CBFA2T2: variants seen among roughly 807,000 people sequenced by gnomAD.
CBFA2T2 encodes CBFA2/RUNX1 partner transcriptional co-repressor 2.
CBFA2T2 carries 11 observed loss-of-function variants against 62.2 expected under a neutral mutation model. The observed-to-expected ratio is 0.18, with a 90% CI of 0.11 to 0.29. The LOEUF is 0.29. Ranked by LOEUF, CBFA2T2 falls within the 10% of genes least tolerant of loss-of-function variation. The pLI is 1.00. For synonymous variants in CBFA2T2, 295 were observed against 287.5 expected (o/e 1.03, Z -0.27); for missense variants, 592 against 774.1 (o/e 0.76, Z 2.79).
chr20:33,637,698 G>A (rs375145964), intron 9 of CBFA2T2, among the ~76,000 whole-genome samples: 81 of 147,936 alleles, frequency 5.5e-4, no homozygotes, highest in East Asian at 1.8e-3. Context: ...ATGGAGTTTC[G>A]CGCTTGTTGC....
intron 4 of CBFA2T2, 112 bp from the exon 5 acceptor site, chr20:33,623,003 C>A: frequency 1.1e-6 from 1 of 949,942 alleles, no homozygotes; most frequent in Non-Finnish European, 1.6e-6. Flanking sequence ...AATCAGACTG[C>A]CAAGGAGAGA....
In CBFA2T2 at chr20:33,648,991, G is replaced by A. The variant is rs990218875; in HGVS notation, c.*4345G>A. 10 of 152,166 alleles carry A rather than the reference G, an allele frequency of 6.6e-5. No homozygotes were observed. Among genetic ancestry groups the A allele is most frequent in the African/African-American group, 2.4e-4 (10 of 41,422 alleles). The allele number at this position is 152,166 out of a possible 1,614,324, so 9.4% of individuals were successfully genotyped here. On this transcript the variant is annotated 3_prime_UTR_variant, in exon 11 of 11. Transcript: ENST00000342704. ...GGTTCAGCACAGCTGGAATTGTACG[G>A]TAGTGAGCTCTTCAAAATGAAAACA...
chr20:33,548,467 C>A (rs565605100), intron 1 of CBFA2T2, among the ~76,000 whole-genome samples: 3 of 151,970 alleles, frequency 2.0e-5, no homozygotes, highest in East Asian at 3.9e-4. Flanking sequence ...TGGTCTCGAA[C>A]TCCTGACCTC....
chr20:33,502,922 C>T (rs1302238868), intron 1 of CBFA2T2, among the ~76,000 whole-genome samples: 3 of 150,060 alleles, frequency 2.0e-5, no homozygotes, highest in African/African-American at 7.3e-5. Flanking sequence ...AACCCCATCT[C>T]TACTAAAAAA....
intron 1 of CBFA2T2, among the ~76,000 whole-genome samples, chr20:33,551,905 T>C (rs1048998346): frequency 1.3e-5 from 2 of 152,164 alleles, no homozygotes; most frequent in African/African-American, 4.8e-5. Context: ...TTTTCTCTTC[T>C]TGCCCTCCCT....
At chr20:33,634,103 G>T (rs760447375) in intron 8 of CBFA2T2, among the ~76,000 whole-genome samples, 5 of 152,060 alleles carry the variant, frequency 3.3e-5, no homozygotes, top group Non-Finnish European at 7.4e-5. Flanking sequence ...CAAGTAGCTG[G>T]AATTACAGGT....
chr20:33,511,925 CCCAG>C (rs2011518006), intron 1 of CBFA2T2, among the ~76,000 whole-genome samples: 1 of 152,120 alleles, frequency 6.6e-6, no homozygotes, highest in African/African-American at 2.4e-5. Flanking sequence ...CGCCTGTAAT[CCCAG>C]CACTTTGGAA....
At chr20:33,545,469 C>A (rs1390068555) in intron 1 of CBFA2T2, among the ~76,000 whole-genome samples, 1 of 151,954 alleles carries the variant, frequency 6.6e-6, no homozygotes, top group Non-Finnish European at 1.5e-5. Flanking sequence ...TTCTTTCTTT[C>A]TTTCGTTCGT....
rs985541439 is a variant in CBFA2T2 at position 33,578,798 on chromosome 20, G to A, written c.35-28158G>A. 5.3e-5 allele frequency among the ~76,000 whole-genome samples: 8 copies of A among 152,272 alleles called. No individual in the cohort carries two copies. The South Asian group carries it at 1.2e-3, about 24-fold the overall frequency. On this transcript the variant is annotated intron_variant, in intron 1 of 10. Coordinates refer to ENST00000342704, the MANE Select transcript of CBFA2T2 (RefSeq NM_001032999.3). ...AGTCAGGATGCAAGAGTGCTGGTCCGATTATCAAGCTCAGCCTTCAGGATG... is the reference window on the plus strand; with the variant it reads ...AGTCAGGATGCAAGAGTGCTGGTCCAATTATCAAGCTCAGCCTTCAGGATG...
At position 33,545,009 on chromosome 20, in the gene CBFA2T2, AT is replaced by A. The variant is rs1255138101; in HGVS notation, c.34+54709del. ...ATAGAATAGAATAGAATAGAATAGA[AT>A]AGAACAGAACAGAATGCAAGGTAGA... On this transcript the variant is annotated intron_variant, in intron 1 of 10. Coordinates refer to ENST00000342704, the MANE Select transcript of CBFA2T2 (RefSeq NM_001032999.3). Among the ~76,000 whole-genome samples the A allele has an allele frequency of 2.5e-3, 372 of 150,782 alleles. 3 individuals carry two copies. The highest frequency in any genetic ancestry group is 8.5e-3 in the African/African-American group (349 of 41,074).
intron 1 of CBFA2T2, 125 bp from the exon 2 acceptor site, chr20:33,606,831 G>A (rs985107417): frequency 4.0e-5 from 33 of 825,234 alleles, no homozygotes; most frequent in Non-Finnish European, 6.1e-5. Context: ...ATATCTTTTA[G>A]GGGGTCACTA....
chr20:33,540,407 G>T (rs1443249158), intron 1 of CBFA2T2, among the ~76,000 whole-genome samples: 2 of 152,188 alleles, frequency 1.3e-5, no homozygotes, highest in Non-Finnish European at 2.9e-5. Context: ...GCATGTTACT[G>T]TACTGAATGC....
At chr20:33,502,470 G>A (rs1159426473) in intron 1 of CBFA2T2, among the ~76,000 whole-genome samples, 1 of 151,386 alleles carries the variant, frequency 6.6e-6, no homozygotes, top group Non-Finnish European at 1.5e-5. Flanking sequence ...GCAGTGGCCC[G>A]ATCTCGGCTC....
intron 1 of CBFA2T2, among the ~76,000 whole-genome samples, chr20:33,527,225 GGAGTCTCACTACA>G (rs2011912871): frequency 6.6e-6 from 1 of 151,968 alleles, no homozygotes; most frequent in Non-Finnish European, 1.5e-5. Flanking sequence ...TTTTTGAGAT[GGAGTCTCACTACA>G]TCACCCAGGC....
chr20:33,646,878 G>C lies in CBFA2T2; in HGVS notation c.*2232G>C, dbSNP rs1204107504. On this transcript the variant is annotated 3_prime_UTR_variant, in exon 11 of 11. Transcript: ENST00000342704. ...TCTGTCTCAAAAAAAAAAAAAAAAA[G>C]GCAAAATTAAAGAATTTCAAGTCCC... The C allele has an allele frequency of 1.4e-5, 2 of 139,148 alleles. No homozygotes were observed. The highest frequency in any genetic ancestry group is 3.2e-5 in the Non-Finnish European group (2 of 63,474). The allele number at this position is 139,148 out of a possible 1,614,324, so 8.6% of individuals were successfully genotyped here.
At chr20:33,610,021 G>A (rs1222929227) in intron 2 of CBFA2T2, among the ~76,000 whole-genome samples, 3 of 152,226 alleles carry the variant, frequency 2.0e-5, no homozygotes, top group Non-Finnish European at 4.4e-5. Flanking sequence ...GGTGGCTCAT[G>A]CCTGTAATCC....
chr20:33,629,010 A>C lies in CBFA2T2; in HGVS notation c.1032+575A>C, dbSNP rs1428104688. ...GCCAGGTGCAGTGGCACATGCCTGT[A>C]GTCCCAGCTACTCGGGAAGCTAAGG... is the stretch of plus-strand genomic sequence containing the variant. On this transcript the variant is annotated intron_variant, in intron 7 of 10. Transcript: ENST00000342704. Among the ~76,000 whole-genome samples the C allele has an allele frequency of 2.6e-5, 4 of 152,268 alleles. No homozygotes were observed. In the East Asian group the frequency reaches 7.7e-4, roughly 29 times the overall value.
At chr20:33,621,985 TG>T (rs2052102433) in intron 4 of CBFA2T2, among the ~76,000 whole-genome samples, 2 of 152,226 alleles carry the variant, frequency 1.3e-5, no homozygotes, top group Non-Finnish European at 1.5e-5. Context: ...AAGAAAGATT[TG>T]TGAAATTTGT....
intron 4 of CBFA2T2, among the ~76,000 whole-genome samples, chr20:33,620,438 G>GA (rs1207350081): frequency 6.6e-6 from 1 of 151,788 alleles, no homozygotes; most frequent in Non-Finnish European, 1.5e-5. Context: ...CTGGGAGGCA[G>GA]AGGAAGCAGG....
Sources: allele counts gnomAD v4.1 joint callset (sites outside exome capture counted in the v4.1 genomes callset), GRCh38; gene constraint gnomAD v4.1.1; transcripts MANE v1.5; gene names NCBI Gene and HGNC (gene_info 2026-07-23, HGNC 2026-07-21).